SELP: variants seen among roughly 807,000 people sequenced by gnomAD.
The protein encoded by SELP is P-selectin.
A neutral mutation model predicts 104.1 loss-of-function variants in SELP; 92 were observed. That is an observed-to-expected ratio of 0.88 (90% confidence interval 0.75 to 1.05). The LOEUF is 1.05. SELP is among the 50% of genes least tolerant of loss of function. The pLI is 0.00. For missense variants in SELP, 1,022 were observed against 1,017.3 expected, an observed-to-expected ratio of 1.00 and a Z score of -0.06; for synonymous variants, 397 against 364.5, an observed-to-expected ratio of 1.09 and a Z score of -1.01.
chr1:169,591,076 T>C (rs968776915), intron 15 of SELP, among the ~76,000 whole-genome samples: 75 of 152,224 alleles, frequency 4.9e-4, no homozygotes, highest in African/African-American at 1.8e-3. Flanking sequence ...TCTAATGCTC[T>C]TTGAGTCACT....
intron 1 of SELP, among the ~76,000 whole-genome samples, chr1:169,621,556 A>G (rs3917691): frequency 0.76 from 115,715 of 151,684 alleles, 44,584 homozygotes; most frequent in African/African-American, 0.87. Context: ...GTGTGGGGTC[A>G]TGTGTGTGCA....
At chr1:169,599,301 C>T (rs567676773) in intron 10 of SELP, among the ~76,000 whole-genome samples, 12 of 149,162 alleles carry the variant, frequency 8.0e-5, no homozygotes, top group Non-Finnish European at 1.5e-4. Context: ...CCAGGAATGA[C>T]TTTTGTGCAT....
intron 14 of SELP, among the ~76,000 whole-genome samples, chr1:169,592,238 G>A (rs1661387445): frequency 6.6e-6 from 1 of 152,148 alleles, no homozygotes. Flanking sequence ...ATTGACCTTT[G>A]TCTATTGTCT....
intron 1 of SELP, among the ~76,000 whole-genome samples, chr1:169,626,726 G>C (rs1419273132): frequency 1.3e-5 from 2 of 152,160 alleles, no homozygotes; most frequent in African/African-American, 2.4e-5. Flanking sequence ...ACAGGGTCTT[G>C]CTCTGTTGCC....
Position 169,607,108 on chromosome 1 carries a change from G to A in SELP, c.1360C>T (p.Pro454Ser). ...QALQCQDLPV[P>S]NEARVNCSHP... is the part of the protein sequence containing the mutation. ...GAGCAGTTCACCCGGGCCTCATTTGGAACTGGGAGATCCTGGCACTGCAAA... is the reference window on the plus strand; with the variant it reads ...GAGCAGTTCACCCGGGCCTCATTTGAAACTGGGAGATCCTGGCACTGCAAA... Residue 454 changes from proline (P) to serine (S), a missense_variant, in exon 9 of 17, where the codon CCA becomes TCA. Pro to Ser is a moderately conservative substitution (Grantham distance 74). Coordinates refer to ENST00000263686, the MANE Select transcript of SELP (RefSeq NM_003005.4). 1 of 1,603,742 alleles carries A rather than the reference G, an allele frequency of 6.2e-7. No individual in the cohort carries two copies. Among genetic ancestry groups the A allele is most frequent in the Non-Finnish European group, 8.5e-7 (1 of 1,171,488 alleles).
chr1:169,628,868 C>T (rs1394331861), intron 1 of SELP, among the ~76,000 whole-genome samples: 1 of 152,124 alleles, frequency 6.6e-6, no homozygotes, highest in Non-Finnish European at 1.5e-5. Context: ...TTAAGACAGG[C>T]TCAAACTCCT....
chr1:169,619,778 A>G (rs1428239810), intron 1 of SELP, among the ~76,000 whole-genome samples: 1 of 152,162 alleles, frequency 6.6e-6, no homozygotes, highest in African/African-American at 2.4e-5. Context: ...AATGTTTAAT[A>G]TACATATGTA....
At position 169,612,917 on chromosome 1, in the gene SELP, A is replaced by G. The variant is rs763011991; in HGVS notation, c.775+12T>C. ...TATGTCAGTGAGGATGAAAAGAATA[A>G]GGTCTACATACCTAAACACTGTGGA... is the stretch of plus-strand genomic sequence containing the variant. On this transcript the variant is annotated intron_variant, in intron 5 of 16. Coordinates refer to ENST00000263686, the MANE Select transcript of SELP (RefSeq NM_003005.4). 1.5e-5 allele frequency: 23 copies of G among 1,557,788 alleles called. No homozygotes were observed. The African/African-American group carries it at 3.0e-4, about 20-fold the overall frequency.
chr1:169,627,854 A>G (rs187691190), intron 1 of SELP, among the ~76,000 whole-genome samples: 63 of 152,326 alleles, frequency 4.1e-4, no homozygotes, highest in Admixed American at 9.2e-4. Flanking sequence ...AAAAGGTATA[A>G]ATGGACGAAA....
At chr1:169,624,697 C>T (rs919152499) in intron 1 of SELP, among the ~76,000 whole-genome samples, 2 of 152,000 alleles carry the variant, frequency 1.3e-5, no homozygotes, top group Non-Finnish European at 2.9e-5. Flanking sequence ...GGCAGTGAGC[C>T]GAGACACTCC....
At position 169,613,038 on chromosome 1, in the gene SELP, A is replaced by G; in HGVS notation, c.666T>C (p.Phe222=). ...TGCAGTGGAAGCTGCACTGCGAGTTAAAAGAGAAGTTTCCCAGAGGGTGGC... is the reference window on the plus strand; with the variant it reads ...TGCAGTGGAAGCTGCACTGCGAGTTGAAAGAGAAGTTTCCCAGAGGGTGGC... ...NCSHPLGNFS[F]NSQCSFHCTD... Residue 222 remains phenylalanine, a synonymous_variant, in exon 5 of 17, where the codon TTT becomes TTC. Transcript: ENST00000263686. 6.2e-7 allele frequency: 1 copy of G among 1,613,922 alleles called. No individual in the cohort carries two copies.
intron 2 of SELP, 105 bp downstream of exon 2, chr1:169,619,024 C>T (rs1662962963): frequency 1.2e-5 from 10 of 838,136 alleles, no homozygotes; most frequent in Non-Finnish European, 1.7e-5. Context: ...GGACAGTTTT[C>T]CCATGCCTCA....
chr1:169,625,016 C>T (rs1663308804), intron 1 of SELP, among the ~76,000 whole-genome samples: 1 of 152,126 alleles, frequency 6.6e-6, no homozygotes, highest in South Asian at 2.1e-4. Flanking sequence ...CCTCCCTTGA[C>T]CCTTTGTCCT....
chr1:169,593,488 GT>G (rs2101863629), intron 14 of SELP, 116 bp downstream of exon 14: 1 of 772,002 alleles, frequency 1.3e-6, no homozygotes, highest in South Asian at 1.9e-5. Flanking sequence ...TAATGCAAAT[GT>G]TTTCCAACAT....
chr1:169,596,228 C>T (rs1401360336), intron 11 of SELP, 94 bp from the exon 12 acceptor site: 4 of 1,133,444 alleles, frequency 3.5e-6, no homozygotes, highest in East Asian at 2.4e-5. Context: ...TTTTCACTCC[C>T]TTCATAACAA....
At chr1:169,597,449 G>T (rs1454519671) in intron 10 of SELP, among the ~76,000 whole-genome samples, 1 of 152,142 alleles carries the variant, frequency 6.6e-6, no homozygotes, top group Non-Finnish European at 1.5e-5. Context: ...AACTTACAAT[G>T]TCACCCTATT....
intron 1 of SELP, among the ~76,000 whole-genome samples, chr1:169,622,135 T>C (rs3917683): frequency 0.57 from 86,458 of 152,142 alleles, 25,066 homozygotes; most frequent in Middle Eastern, 0.67. Context: ...GAGCTTTGCC[T>C]TTGGATATAA....
At chr1:169,613,991 C>A (rs1284414618) in intron 3 of SELP, among the ~76,000 whole-genome samples, 1 of 152,116 alleles carries the variant, frequency 6.6e-6, no homozygotes, top group East Asian at 1.9e-4. Context: ...GACAGAGAAA[C>A]CCTATGTGGT....
intron 8 of SELP, among the ~76,000 whole-genome samples, chr1:169,607,663 T>C (rs1221513207): frequency 1.3e-5 from 2 of 152,074 alleles, no homozygotes; most frequent in Non-Finnish European, 2.9e-5. Flanking sequence ...AGATGTAAAA[T>C]AAATAACCAT....
Sources: gnomAD v4.1 joint callset for allele counts (sites outside exome capture counted in the v4.1 genomes callset) on GRCh38, gnomAD v4.1.1 for gene constraint, MANE v1.5 for transcripts, NCBI Gene and HGNC (gene_info 2026-07-23, HGNC 2026-07-21) for gene names.